The following FLRT2 variants were observed in gnomAD, a reference collection of about 807,000 sequenced individuals.
FLRT2 encodes the protein leucine-rich repeat transmembrane protein FLRT2.
In FLRT2, 15 loss-of-function variants were observed where a neutral mutation model predicts 40.0. That is an observed-to-expected ratio of 0.38 (90% CI 0.25 to 0.58). The LOEUF (loss-of-function observed/expected upper bound fraction) is 0.58, where lower values mean the gene tolerates loss of function less well. FLRT2 is among the 20% of genes least tolerant of loss of function. The pLI, the probability that FLRT2 is intolerant of heterozygous loss-of-function variation, is 0.71. For missense variants in FLRT2, 726 were observed against 840.0 expected (o/e 0.86, Z 1.68); for synonymous variants, 380 against 336.8 (o/e 1.13, Z -1.41).
intron 1 of FLRT2, among the ~76,000 whole-genome samples, chr14:85,600,433 C>T (rs1892334419): frequency 6.6e-6 from 1 of 152,004 alleles, no homozygotes; most frequent in African/African-American, 2.4e-5. Context: ...GGAAGAGGTG[C>T]TTGGAAATAG....
chr14:85,545,022 T>A (rs12883099), intron 1 of FLRT2, among the ~76,000 whole-genome samples: 94,233 of 151,928 alleles, frequency 0.62, 30,079 homozygotes, highest in Middle Eastern at 0.73. Context: ...AGTGGGAAAC[T>A]CGTGAAAAAA....
chr14:85,553,205 A>G (rs979180436), intron 1 of FLRT2, among the ~76,000 whole-genome samples: 2 of 152,174 alleles, frequency 1.3e-5, no homozygotes, highest in African/African-American at 4.8e-5. Context: ...AAGAGCAAAT[A>G]ATTTAGTGTT....
chr14:85,624,473 T>A lies in FLRT2; in HGVS notation c.*976T>A, dbSNP rs973191000. 1 of 167,070 alleles carries A rather than the reference T, an allele frequency of 6.0e-6. No homozygotes were observed. The highest frequency in any genetic ancestry group is 2.4e-5 in the African/African-American group (1 of 41,448). 10.3% of individuals were successfully genotyped at this position (167,070 alleles called of 1,614,324 possible). A position where few individuals can be genotyped will look rare whatever the true frequency, so the allele number is the denominator to read the frequency against. Reference sequence around the variant, plus strand: ...TCAACATGATATTTAGACCAACAGGTGATCAATGTTTGGAAAATACAACAA... The same window carrying A: ...TCAACATGATATTTAGACCAACAGGAGATCAATGTTTGGAAAATACAACAA... On this transcript the variant is annotated 3_prime_UTR_variant, in exon 2 of 2. Coordinates refer to ENST00000330753, the MANE Select transcript of FLRT2 (RefSeq NM_013231.6).
intron 1 of FLRT2, among the ~76,000 whole-genome samples, chr14:85,539,496 G>C (rs1379720954): frequency 2.0e-5 from 3 of 152,066 alleles, no homozygotes; most frequent in Non-Finnish European, 4.4e-5. Flanking sequence ...TATGATGTAC[G>C]TATTTGGCAC....
chr14:85,636,883 A>G lies in FLRT2; in HGVS notation c.*13386A>G, dbSNP rs560854757. 71 of 132,064 alleles carry G rather than the reference A, an allele frequency of 5.4e-4. No individual in the cohort carries two copies. Among genetic ancestry groups the G allele is most frequent in the African/African-American group, 1.9e-3 (69 of 35,676 alleles). 8.2% of individuals were successfully genotyped at this position (132,064 alleles called of 1,614,324 possible). A position where few individuals can be genotyped will look rare whatever the true frequency, so the allele number is the denominator to read the frequency against. On this transcript the variant is annotated 3_prime_UTR_variant, in exon 2 of 2. Coordinates refer to ENST00000330753, the MANE Select transcript of FLRT2 (RefSeq NM_013231.6). ...GGCGGAGGTTGCAGTGAGCTGAGAT[A>G]GTGCCACTGCATTCTAGCCTGGGTG...
chr14:85,533,009 A>G (rs954915376), intron 1 of FLRT2, among the ~76,000 whole-genome samples: 4 of 152,204 alleles, frequency 2.6e-5, no homozygotes, highest in Non-Finnish European at 4.4e-5. Context: ...CTGCCGGGTT[A>G]GCCAGGCGCT....
Position 85,627,673 on chromosome 14 carries a change from A to G in FLRT2, c.*4176A>G, listed in dbSNP as rs1448311876. ...TTTAAGGCAAGGTGAAGGCATTGCC[A>G]AGTGTGTGTCGCTCATAGGACTAGT... On this transcript the variant is annotated 3_prime_UTR_variant, in exon 2 of 2. Coordinates refer to ENST00000330753, the MANE Select transcript of FLRT2 (RefSeq NM_013231.6). 6.0e-6 allele frequency: 1 copy of G among 167,096 alleles called. No individual in the cohort carries two copies. 10.4% of individuals were successfully genotyped at this position (167,096 alleles called of 1,614,324 possible).
chr14:85,576,952 C>A (rs1440193283), intron 1 of FLRT2, among the ~76,000 whole-genome samples: 1 of 152,192 alleles, frequency 6.6e-6, no homozygotes, highest in Admixed American at 6.5e-5. Context: ...AAAGCCAGCT[C>A]TGCCCATGTG....
At chr14:85,567,274 T>C (rs566266518) in intron 1 of FLRT2, among the ~76,000 whole-genome samples, 1 of 152,268 alleles carries the variant, frequency 6.6e-6, no homozygotes, top group Non-Finnish European at 1.5e-5. Flanking sequence ...CTGGTGGGTG[T>C]CTGCTTGTAA....
intron 1 of FLRT2, among the ~76,000 whole-genome samples, chr14:85,593,743 A>G (rs1305795866): frequency 6.6e-6 from 1 of 152,214 alleles, no homozygotes; most frequent in Non-Finnish European, 1.5e-5. Flanking sequence ...TCTGAGCATT[A>G]AAGATACTTA....
At chr14:85,548,939 G>A (rs1387395467) in intron 1 of FLRT2, among the ~76,000 whole-genome samples, 1 of 152,194 alleles carries the variant, frequency 6.6e-6, no homozygotes, top group Non-Finnish European at 1.5e-5. Flanking sequence ...AAAGACAGAA[G>A]AGAAGAAGTA....
rs1893743343 is a variant in FLRT2, at chr14:85,627,599, CAA to C, written c.*4104_*4105del. 1 of 166,764 alleles carries C rather than the reference CAA, an allele frequency of 6.0e-6. No individual in the cohort carries two copies. Among genetic ancestry groups the C allele is most frequent in the Non-Finnish European group, 1.5e-5 (1 of 68,086 alleles). The allele number at this position is 166,764 out of a possible 1,614,324, so 10.3% of individuals were successfully genotyped here. On this transcript the variant is annotated 3_prime_UTR_variant, in exon 2 of 2. Transcript: ENST00000330753. ...TTGTACACACACACACACACACACA[CAA>C]ACAGGGGCATTTGTAAAGGTGTCCC...
chr14:85,540,267 A>G (rs2139808538), intron 1 of FLRT2, among the ~76,000 whole-genome samples: 1 of 152,308 alleles, frequency 6.6e-6, no homozygotes, highest in Non-Finnish European at 1.5e-5. Flanking sequence ...TCCTCAACCC[A>G]TTAACAGTGA....
At position 85,646,019 on chromosome 14, in the gene FLRT2, C is replaced by G. The variant is rs1894293420; in HGVS notation, c.*22522C>G. 1.3e-5 allele frequency: 2 copies of G among 150,550 alleles called. No individual in the cohort carries two copies. Among genetic ancestry groups the G allele is most frequent in the African/African-American group, 5.0e-5 (2 of 40,398 alleles). The allele number at this position is 150,550 out of a possible 1,614,324, so 9.3% of individuals were successfully genotyped here. A position where few individuals can be genotyped will look rare whatever the true frequency, so the allele number is the denominator to read the frequency against. ...ATTACTCTGTATATAGATTTGCCTG[C>G]CTTGTAACCATGCCTTTGCATCTGT... On this transcript the variant is annotated 3_prime_UTR_variant, in exon 2 of 2. Transcript: ENST00000330753.
At chr14:85,542,187 TAAGTA>T (rs879684140) in intron 1 of FLRT2, among the ~76,000 whole-genome samples, 1 of 152,200 alleles carries the variant, frequency 6.6e-6, no homozygotes, top group Non-Finnish European at 1.5e-5. Flanking sequence ...AATTTTCAAT[TAAGTA>T]AAGGAACTTC....
intron 1 of FLRT2, among the ~76,000 whole-genome samples, chr14:85,609,989 G>A (rs1566754564): frequency 1.3e-5 from 2 of 152,100 alleles, no homozygotes; most frequent in Admixed American, 6.5e-5. Context: ...TACTTGCTAG[G>A]GAACAGTGGG....
chr14:85,582,558 C>T (rs1313250721), intron 1 of FLRT2, among the ~76,000 whole-genome samples: 3 of 152,070 alleles, frequency 2.0e-5, no homozygotes. Flanking sequence ...GTTTCTTCAT[C>T]TGTGTAATGG....
At chr14:85,547,485 G>A (rs1254309945) in intron 1 of FLRT2, among the ~76,000 whole-genome samples, 6 of 151,764 alleles carry the variant, frequency 4.0e-5, no homozygotes, top group South Asian at 4.2e-4. Flanking sequence ...CACCACACCC[G>A]GCTAACTTTT....
chr14:85,631,746 T>A lies in FLRT2; in HGVS notation c.*8249T>A, dbSNP rs967372122. 2.0e-5 allele frequency: 3 copies of A among 152,212 alleles called. No individual in the cohort carries two copies. The highest frequency in any genetic ancestry group is 4.4e-5 in the Non-Finnish European group (3 of 68,042). 9.4% of individuals were successfully genotyped at this position (152,212 alleles called of 1,614,324 possible). On this transcript the variant is annotated 3_prime_UTR_variant, in exon 2 of 2. Transcript: ENST00000330753. ...TGGCCATGCATCTGATTTGAAAGCT[T>A]TAGATGGAATCAGTATGTCTACATT...
Sources: gnomAD v4.1 joint callset for allele counts (sites outside exome capture counted in the v4.1 genomes callset) on GRCh38, gnomAD v4.1.1 for gene constraint, MANE v1.5 for transcripts, NCBI Gene and HGNC (gene_info 2026-07-23, HGNC 2026-07-21) for gene names.